Variants in HACL1 observed in about 807,000 individuals in gnomAD.
HACL1 encodes 1600020H07Rik.
A neutral mutation model predicts 74.2 loss-of-function variants in HACL1; 64 were observed. The observed-to-expected ratio is 0.86, with a 90% CI of 0.70 to 1.06. HACL1 has a LOEUF of 1.06. Among genes scored for constraint, HACL1 ranks in the 50% least tolerant of loss-of-function variants. The pLI is 0.00. For synonymous variants in HACL1, 230 were observed against 238.8 expected (o/e 0.96, Z 0.34); for missense variants, 728 against 719.7 (o/e 1.01, Z -0.13).
intron 7 of HACL1, 61 bp downstream of exon 7, chr3:15,585,187 G>T: frequency 2.5e-6 from 2 of 807,234 alleles, no homozygotes; most frequent in South Asian, 1.5e-5. Context: ...CTTCTAAAAA[G>T]GTAGGCATTA....
intron 7 of HACL1, among the ~76,000 whole-genome samples, chr3:15,584,563 G>A (rs547088275): frequency 1.4e-4 from 21 of 152,170 alleles, no homozygotes; most frequent in Admixed American, 1.2e-3. Flanking sequence ...ACTCCAGCCC[G>A]GGCAACAGGG....
Position 15,568,463 on chromosome 3 carries a change from T to C in HACL1, c.1219A>G (p.Thr407Ala). The C allele has an allele frequency of 1.2e-6, 2 of 1,602,986 alleles. No individual in the cohort carries two copies. The highest frequency in any genetic ancestry group is 1.7e-6 in the Non-Finnish European group (2 of 1,173,624). ...CGAGGAAGGTAGTTCTGAAGCACAG[T>C]CCGTCCAATGTCCATAGTATTTGCT... is the stretch of plus-strand genomic sequence containing the variant. ...EGANTMDIGR[T>A]VLQNYLPRHR... The change falls in exon 13 of 17, where the codon ACT (threonine) becomes GCT (alanine). Residue 407 changes from threonine (T) to alanine (A), a missense_variant. Coordinates refer to ENST00000321169, the MANE Select transcript of HACL1 (RefSeq NM_012260.4).
intron 10 of HACL1, among the ~76,000 whole-genome samples, chr3:15,573,756 G>A (rs1441124676): frequency 1.3e-5 from 2 of 152,154 alleles, no homozygotes; most frequent in African/African-American, 2.4e-5. Flanking sequence ...GCCTGGCCCA[G>A]GGAACCACAT....
intron 9 of HACL1, among the ~76,000 whole-genome samples, chr3:15,576,154 CA>C (rs1185744343): frequency 0.057 from 3,557 of 62,550 alleles, 15 homozygotes; most frequent in Non-Finnish European, 0.065. Flanking sequence ...GACTCTGTCT[CA>C]AAAAAAAAAA....
chr3:15,589,719 A>G (rs2063856729), intron 4 of HACL1, 107 bp from the exon 5 acceptor site: 1 of 765,566 alleles, frequency 1.3e-6, no homozygotes, highest in African/African-American at 1.7e-5. Context: ...AAGGGAGAGA[A>G]TATTATATTT....
intron 7 of HACL1, among the ~76,000 whole-genome samples, chr3:15,583,757 A>G (rs1366687508): frequency 2.6e-5 from 4 of 151,630 alleles, no homozygotes; most frequent in African/African-American, 9.7e-5. Context: ...TCCCAAGTTC[A>G]AGCGATTCTC....
At position 15,601,189 on chromosome 3, in the gene HACL1, C is replaced by A; in HGVS notation, c.87G>T (p.Val29=). 3.1e-6 allele frequency: 5 copies of A among 1,611,114 alleles called. No homozygotes were observed. The highest frequency in any genetic ancestry group is 4.2e-6 in the Non-Finnish European group (5 of 1,177,258). Residue 29 remains valine, a synonymous_variant, in exon 2 of 17, where the codon GTG becomes GTT. Transcript: ENST00000321169. ...TGCCTACGATGCCAAATATGTACTC[C>A]ACATCCTGAGGAACGAAGAACAGGG... ...VIAQALKTQD[V]EYIFGIVGIP...
chr3:15,588,678 G>A lies in HACL1; in HGVS notation c.381+862C>T, dbSNP rs1162099561. 2.0e-5 allele frequency among the ~76,000 whole-genome samples: 3 copies of A among 152,182 alleles called. No homozygotes were observed. The East Asian group carries it at 5.8e-4, about 29-fold the overall frequency. On this transcript the variant is annotated intron_variant, in intron 5 of 16. Transcript: ENST00000321169. The stretch of plus-strand genomic sequence containing the variant: ...ACATATGTTTGGTCTCAAACATTTG[G>A]GCTCCAGCAATTCTCCCTCCTCAGC...
At chr3:15,574,753 T>G (rs1458465404) in intron 10 of HACL1, among the ~76,000 whole-genome samples, 1 of 143,010 alleles carries the variant, frequency 7.0e-6, no homozygotes, top group Non-Finnish European at 1.5e-5. Context: ...AACTTGATTT[T>G]GAAAGGTTTT....
intron 16 of HACL1, among the ~76,000 whole-genome samples, chr3:15,562,946 A>G (rs538476858): frequency 1.9e-4 from 29 of 148,876 alleles, no homozygotes; most frequent in Admixed American, 6.0e-4. Flanking sequence ...TATCCTTCTG[A>G]TCTCCGTTTA....
At chr3:15,589,686 T>C (rs1342491210) in intron 4 of HACL1, 74 bp from the exon 5 acceptor site, 5 of 877,842 alleles carry the variant, frequency 5.7e-6, no homozygotes, top group South Asian at 5.7e-5. Context: ...CAGTGTCTAA[T>C]TCACAACAAA....
chr3:15,597,132 T>C (rs976315084), intron 2 of HACL1, among the ~76,000 whole-genome samples: 3 of 152,222 alleles, frequency 2.0e-5, no homozygotes, highest in African/African-American at 7.2e-5. Flanking sequence ...ATTCCTGACA[T>C]TGGTAATCTG....
rs1162597792 is a variant in HACL1 at position 15,597,525 on chromosome 3, T to A, written c.187-1101A>T. On this transcript the variant is annotated intron_variant, in intron 2 of 16. Transcript: ENST00000321169. ...ATTTTTTTCCCAGTATTATTTCTTC[T>A]CATTTCTTTAGAAATAATAATGAAT... is the stretch of plus-strand genomic sequence containing the variant. Among the ~76,000 whole-genome samples, 3 of 152,022 alleles carry A rather than the reference T, an allele frequency of 2.0e-5. No homozygotes were observed. In the East Asian group the frequency reaches 5.8e-4, roughly 30 times the overall value.
At chr3:15,591,265 T>C (rs2063887602) in intron 4 of HACL1, among the ~76,000 whole-genome samples, 1 of 152,104 alleles carries the variant, frequency 6.6e-6, no homozygotes, top group Non-Finnish European at 1.5e-5. Flanking sequence ...TAAGATATTG[T>C]AGAAATAGTC....
At chr3:15,596,308 C>T (rs2064062402) in intron 3 of HACL1, 76 bp downstream of exon 3, 2 of 775,838 alleles carry the variant, frequency 2.6e-6, no homozygotes, top group East Asian at 2.6e-5. Flanking sequence ...CAAATGAACT[C>T]ATCCTTCAGC....
intron 2 of HACL1, chr3:15,600,788 T>A: frequency 2.4e-6 from 1 of 424,250 alleles, no homozygotes; most frequent in Non-Finnish European, 4.3e-6. Flanking sequence ...ACTCATAAAC[T>A]GTCCATTCCA....
At chr3:15,592,567 CAT>C (rs1461657838) in intron 3 of HACL1, among the ~76,000 whole-genome samples, 1 of 146,212 alleles carries the variant, frequency 6.8e-6, no homozygotes, top group Non-Finnish European at 1.5e-5. Flanking sequence ...CGTGTATACA[CAT>C]GTACGCACAT....
At chr3:15,597,937 C>T (rs6784844) in intron 2 of HACL1, among the ~76,000 whole-genome samples, 42,703 of 151,724 alleles carry the variant, frequency 0.28, 9,444 homozygotes, top group African/African-American at 0.59. Flanking sequence ...TACAACAACA[C>T]GTAACAAAAA....
chr3:15,600,922 C>G, intron 2 of HACL1, 168 bp downstream of exon 2: 1 of 627,006 alleles, frequency 1.6e-6, no homozygotes, highest in Admixed American at 2.4e-5. Context: ...TGTGTCTTTT[C>G]TCATCTGTCA....
Sources: gnomAD v4.1 joint callset for allele counts (sites outside exome capture counted in the v4.1 genomes callset) on GRCh38, gnomAD v4.1.1 for gene constraint, MANE v1.5 for transcripts, NCBI Gene and HGNC (gene_info 2026-07-23, HGNC 2026-07-21) for gene names.